KIAA1328: variants seen among roughly 807,000 people sequenced by gnomAD.
KIAA1328 encodes protein hinderin.
A neutral mutation model predicts 68.1 loss-of-function variants in KIAA1328; 52 were observed. That is an observed-to-expected ratio of 0.76 (90% CI 0.61 to 0.96). The LOEUF is 0.96. Ranked by LOEUF, KIAA1328 falls within the 40% of genes least tolerant of loss-of-function variation. The pLI, the probability that KIAA1328 is intolerant of heterozygous loss-of-function variation, is 0.00. For synonymous variants in KIAA1328, 232 were observed against 239.4 expected (o/e 0.97, Z 0.28); for missense variants, 641 against 677.6 (o/e 0.95, Z 0.60).
chr18:36,856,242 G>C, intron 4 of KIAA1328, among the ~76,000 whole-genome samples: 1 of 151,796 alleles, frequency 6.6e-6, no homozygotes, highest in East Asian at 1.9e-4. Flanking sequence ...GAAGTTTTTT[G>C]GACATTATTT....
chr18:37,116,694 C>A (rs1288965435), intron 7 of KIAA1328, among the ~76,000 whole-genome samples: 2 of 152,090 alleles, frequency 1.3e-5, no homozygotes, highest in Non-Finnish European at 2.9e-5. Context: ...TTCTGCACAG[C>A]AAAAGAAACT....
chr18:36,864,935 A>AT (rs1029012187), intron 4 of KIAA1328, among the ~76,000 whole-genome samples: 7 of 140,698 alleles, frequency 5.0e-5, no homozygotes, highest in Non-Finnish European at 9.5e-5. Context: ...TGATTTGTTT[A>AT]TTTTTTTACC....
chr18:37,122,328 T>C (rs1283751491), intron 7 of KIAA1328, among the ~76,000 whole-genome samples: 1 of 152,044 alleles, frequency 6.6e-6, no homozygotes, highest in Non-Finnish European at 1.5e-5. Flanking sequence ...TAATGGGCTT[T>C]GGATTGAGTG....
At chr18:36,935,009 C>T (rs1444127796) in intron 5 of KIAA1328, among the ~76,000 whole-genome samples, 4 of 152,196 alleles carry the variant, frequency 2.6e-5, no homozygotes, top group African/African-American at 9.7e-5. Context: ...GTAATTCTTA[C>T]TCATCATTTC....
chr18:36,970,402 T>C (rs1361795793), intron 6 of KIAA1328, among the ~76,000 whole-genome samples: 3 of 152,270 alleles, frequency 2.0e-5, no homozygotes, highest in East Asian at 3.9e-4. Context: ...GCACAAGATA[T>C]GGATGCTCTC....
At chr18:36,938,433 A>G (rs2050584962) in intron 5 of KIAA1328, among the ~76,000 whole-genome samples, 1 of 152,082 alleles carries the variant, frequency 6.6e-6, no homozygotes, top group Non-Finnish European at 1.5e-5. Flanking sequence ...TCCTTTGCCC[A>G]TATTTTGATT....
Position 37,123,226 on chromosome 18 carries a change from T to C in KIAA1328, c.1233-36974T>C, listed in dbSNP as rs146649961. On this transcript the variant is annotated intron_variant, in intron 7 of 9. Coordinates refer to ENST00000280020, the MANE Select transcript of KIAA1328 (RefSeq NM_020776.3). ...AGAGAAGAAAAACTGAATGTCTTATTCTACTCTTAAGAATTCTTGACTGCC... is the reference window on the plus strand; with the variant it reads ...AGAGAAGAAAAACTGAATGTCTTATCCTACTCTTAAGAATTCTTGACTGCC... 7.9e-5 allele frequency among the ~76,000 whole-genome samples: 12 copies of C among 152,324 alleles called. No homozygotes were observed. In the East Asian group the frequency reaches 2.3e-3, roughly 29 times the overall value.
chr18:36,902,774 C>G (rs2049086144), intron 5 of KIAA1328, among the ~76,000 whole-genome samples: 1 of 152,030 alleles, frequency 6.6e-6, no homozygotes, highest in Non-Finnish European at 1.5e-5. Flanking sequence ...GCTCCAGCAC[C>G]CTTAAATGCC....
At chr18:37,015,105 G>A (rs543232777) in intron 6 of KIAA1328, among the ~76,000 whole-genome samples, 1 of 152,064 alleles carries the variant, frequency 6.6e-6, no homozygotes, top group Non-Finnish European at 1.5e-5. Context: ...GTTTCACCAT[G>A]TTGGCCAGGA....
chr18:37,156,418 C>T (rs1378919004), intron 7 of KIAA1328, among the ~76,000 whole-genome samples: 15 of 116,610 alleles, frequency 1.3e-4, no homozygotes, highest in Non-Finnish European at 2.2e-4. Context: ...AAGAGAGAAA[C>T]TCCGCCTCAA....
intron 9 of KIAA1328, among the ~76,000 whole-genome samples, chr18:37,202,217 A>G (rs2060128333): frequency 6.6e-6 from 1 of 152,170 alleles, no homozygotes; most frequent in East Asian, 1.9e-4. Context: ...CTTGATTCCA[A>G]AAAAACAAAT....
chr18:37,164,686 C>T (rs1269483852), intron 8 of KIAA1328, among the ~76,000 whole-genome samples: 1 of 152,156 alleles, frequency 6.6e-6, no homozygotes, highest in Non-Finnish European at 1.5e-5. Context: ...GCAGAGGTTT[C>T]AGTGAGCCGA....
intron 4 of KIAA1328, among the ~76,000 whole-genome samples, chr18:36,868,724 T>G (rs2047839855): frequency 6.6e-6 from 1 of 152,198 alleles, no homozygotes; most frequent in South Asian, 2.1e-4. Flanking sequence ...AAGCCCATAC[T>G]GTCAAGTATT....
intron 5 of KIAA1328, among the ~76,000 whole-genome samples, chr18:36,887,577 T>G (rs904272273): frequency 6.6e-6 from 1 of 152,126 alleles, no homozygotes; most frequent in Non-Finnish European, 1.5e-5. Flanking sequence ...ATAAAAACTT[T>G]ATGAGAGCAC....
intron 7 of KIAA1328, among the ~76,000 whole-genome samples, chr18:37,081,802 T>C (rs1407700900): frequency 6.6e-6 from 1 of 152,208 alleles, no homozygotes; most frequent in Admixed American, 6.5e-5. Flanking sequence ...GATTTAAATA[T>C]CTCTGTCCTA....
At chr18:36,997,640 A>G (rs533063256) in intron 6 of KIAA1328, among the ~76,000 whole-genome samples, 101 of 152,246 alleles carry the variant, frequency 6.6e-4, no homozygotes, top group African/African-American at 2.4e-3. Flanking sequence ...GGCAGACTAC[A>G]TGCTGTCCTA....
intron 7 of KIAA1328, among the ~76,000 whole-genome samples, chr18:37,149,048 C>T (rs1028112779): frequency 6.6e-6 from 1 of 152,142 alleles, no homozygotes; most frequent in African/African-American, 2.4e-5. Flanking sequence ...ACCGCATTGA[C>T]ATTCTTCACA....
At chr18:37,231,237 AT>A (rs1568560772), downstream of KIAA1328, 2 of 152,276 alleles carry the variant, frequency 1.3e-5, no homozygotes, top group Non-Finnish European at 2.9e-5. Context: ...GAAAACATAT[AT>A]TCACTTTGGA....
intron 5 of KIAA1328, among the ~76,000 whole-genome samples, chr18:36,897,709 A>G (rs1439096564): frequency 1.3e-5 from 2 of 152,104 alleles, no homozygotes; most frequent in Admixed American, 1.3e-4. Flanking sequence ...GGCTAAAACC[A>G]CAAGGACTAG....
Sources: allele counts gnomAD v4.1 joint callset (sites outside exome capture counted in the v4.1 genomes callset), GRCh38; gene constraint gnomAD v4.1.1; transcripts MANE v1.5; gene names NCBI Gene and HGNC (gene_info 2026-07-23, HGNC 2026-07-21).